Variants in CPD observed in about 807,000 individuals in gnomAD.
CPD encodes the protein carboxypeptidase D.
CPD carries 69 observed loss-of-function variants against 138.3 expected under a neutral mutation model. The ratio of observed to expected loss-of-function variants is 0.50; its 90% CI spans 0.41 to 0.61. The LOEUF (loss-of-function observed/expected upper bound fraction) is 0.61. Among genes scored for constraint, CPD ranks in the 20% least tolerant of loss-of-function variants. The pLI is 0.00. For synonymous variants in CPD, 651 were observed against 642.1 expected (o/e 1.01, Z -0.21); for missense variants, 1,432 against 1,733.3 (o/e 0.83, Z 3.09).
chr17:30,427,423 A>C lies in CPD; in HGVS notation c.1882A>C (p.Ser628Arg). The C allele has an allele frequency of 1.9e-6, 3 of 1,614,170 alleles. No individual in the cohort carries two copies. Among genetic ancestry groups the C allele is most frequent in the Non-Finnish European group, 2.5e-6 (3 of 1,180,010 alleles). Residue 628 changes from serine (S) to arginine (R), a missense_variant, in exon 7 of 21, where the codon AGC (serine) becomes CGC (arginine). Physicochemically the swap from Ser to Arg is moderately radical, Grantham distance 110. This residue lies in a region of CPD where 297 missense variants were observed against 405.3 expected (regional missense o/e 0.73). Transcript: ENST00000225719. ...DSISVIGRNN[S>R]NNFDLNRNFP... ...AATAAGTGTAATTGGCAGAAACAAC[A>C]GCAACAACTTTGACCTGAACCGAAA...
intron 2 of CPD, among the ~76,000 whole-genome samples, chr17:30,391,132 C>CTTTTTT (rs5819898): frequency 8.7e-6 from 1 of 114,858 alleles, no homozygotes; most frequent in Non-Finnish European, 1.8e-5. Context: ...GCCTGGCCGC[C>CTTTTTT]TTTTTTTTTT....
At chr17:30,455,309 T>A (rs1441095292) in intron 14 of CPD, 30 bp from the exon 15 acceptor site, 2 of 1,557,584 alleles carry the variant, frequency 1.3e-6, no homozygotes, top group East Asian at 2.3e-5. Flanking sequence ...TAAAATTTGA[T>A]ATTTTATATT....
intron 8 of CPD, among the ~76,000 whole-genome samples, chr17:30,437,713 CA>C (rs1344968029): frequency 6.6e-6 from 1 of 151,922 alleles, no homozygotes. Flanking sequence ...AAAACAAAAC[CA>C]AAGCAAAAGA....
chr17:30,407,716 G>A (rs1481308860), intron 2 of CPD, among the ~76,000 whole-genome samples: 1 of 151,818 alleles, frequency 6.6e-6, no homozygotes, highest in Admixed American at 6.6e-5. Context: ...CTGGATATTA[G>A]CCCTTTGTCA....
rs535181733 is a variant in CPD, at chr17:30,442,354, G to C, written c.2277G>C (p.Val759=). 1 of 1,613,396 alleles carries C rather than the reference G, an allele frequency of 6.2e-7. No individual in the cohort carries two copies. Among genetic ancestry groups the C allele is most frequent in the Admixed American group, 1.7e-5 (1 of 59,932 alleles). ...WNYLQTNCFE[V]TIELGCVKYP... ...ATTTACAAACAAATTGCTTTGAAGT[G>C]ACTATTGAACTAGGTTGTGTGAAAT... Residue 759 remains valine, a synonymous_variant, in exon 10 of 21, where the codon GTG becomes GTC. Coordinates refer to ENST00000225719, the MANE Select transcript of CPD (RefSeq NM_001304.5).
At chr17:30,415,941 TAGAAAC>T (rs772424823) in intron 2 of CPD, among the ~76,000 whole-genome samples, 2 of 152,176 alleles carry the variant, frequency 1.3e-5, no homozygotes, top group South Asian at 2.1e-4. Context: ...GTCAAACTCT[TAGAAAC>T]AGAAAGTAGA....
rs143022235 is a variant in CPD at position 30,388,936 on chromosome 17, TC to T, written c.994+3703del. Among the ~76,000 whole-genome samples, 711 of 152,180 alleles carry T rather than the reference TC, an allele frequency of 4.7e-3. 4 individuals are homozygous for T. The highest frequency in any genetic ancestry group is 0.017 in the African/African-American group (687 of 41,514). Reference sequence around the variant, plus strand: ...CCCAAGTGGCCCGCGCAGAGCCTCCTCCCGAGCCCAGGAACCCGGGACCCTT... The same window carrying T: ...CCCAAGTGGCCCGCGCAGAGCCTCCTCCGAGCCCAGGAACCCGGGACCCTT... On this transcript the variant is annotated intron_variant, in intron 2 of 20. Coordinates refer to ENST00000225719, the MANE Select transcript of CPD (RefSeq NM_001304.5).
At chr17:30,380,608 G>T in intron 1 of CPD, 1 of 1,514,554 alleles carries the variant, frequency 6.6e-7, no homozygotes, top group Non-Finnish European at 8.8e-7. Context: ...CAAGAAATTA[G>T]TATAAAACAA....
intron 8 of CPD, among the ~76,000 whole-genome samples, chr17:30,435,189 A>T (rs978936303): frequency 6.6e-6 from 1 of 152,164 alleles, no homozygotes; most frequent in African/African-American, 2.4e-5. Context: ...GAAAAAGACA[A>T]AATTATCTCT....
intron 2 of CPD, among the ~76,000 whole-genome samples, chr17:30,398,220 T>TAATAG (rs1174955145): frequency 2.9e-4 from 32 of 108,718 alleles, no homozygotes; most frequent in Middle Eastern, 4.6e-3. Context: ...TAGAACAGAA[T>TAATAG]AATAGAATAG....
intron 6 of CPD, among the ~76,000 whole-genome samples, chr17:30,426,384 T>C (rs1356840725): frequency 6.6e-6 from 1 of 152,208 alleles, no homozygotes; most frequent in Non-Finnish European, 1.5e-5. Flanking sequence ...TTAGGGTTTT[T>C]CAAAGATAGT....
rs567667573 is a variant in CPD, at chr17:30,415,417, A to T, written c.995-5424A>T. Among the ~76,000 whole-genome samples the T allele has an allele frequency of 3.9e-5, 6 of 152,304 alleles. No homozygotes were observed. The East Asian group carries it at 9.6e-4, about 24-fold the overall frequency. ...GTTCTGACTCACAAATCACTGTGAA[A>T]TATTGTCCAACGTGAAACAGAGTGA... On this transcript the variant is annotated intron_variant, in intron 2 of 20. Transcript: ENST00000225719.
At position 30,405,662 on chromosome 17, in the gene CPD, G is replaced by A. The variant is rs539439996; in HGVS notation, c.995-15179G>A. On this transcript the variant is annotated intron_variant, in intron 2 of 20. Coordinates refer to ENST00000225719, the MANE Select transcript of CPD (RefSeq NM_001304.5). Reference sequence around the variant, plus strand: ...TGGTCTCTTTATTTTTATACCTGAAGTGAACTGCTTTAGTAAGTGTAGTTT... The same window carrying A: ...TGGTCTCTTTATTTTTATACCTGAAATGAACTGCTTTAGTAAGTGTAGTTT... Among the ~76,000 whole-genome samples the A allele has an allele frequency of 2.5e-3, 377 of 152,120 alleles. 1 individual carries two copies. Among genetic ancestry groups the A allele is most frequent in the African/African-American group, 8.7e-3 (360 of 41,526 alleles).
In CPD at chr17:30,379,817, A is replaced by T; in HGVS notation, c.746+91A>T. On this transcript the variant is annotated intron_variant, in intron 1 of 20. Transcript: ENST00000225719. The surrounding 1 kb of genome is among the most constrained non-coding windows in gnomAD (Gnocchi z 7.0). The stretch of plus-strand genomic sequence containing the variant: ...CAGTAGGCGCTCAGACAATGCTGGC[A>T]TAAGGGGTGGCGGTGGTGAAGGTGA... 1.1e-6 allele frequency: 1 copy of T among 939,278 alleles called. No individual in the cohort carries two copies. Among genetic ancestry groups the T allele is most frequent in the Middle Eastern group, 2.3e-4 (1 of 4,340 alleles). The allele number at this position is 939,278 out of a possible 1,614,324, so 58.2% of individuals were successfully genotyped here. A position where few individuals can be genotyped will look rare whatever the true frequency, so the allele number is the denominator to read the frequency against.
intron 2 of CPD, among the ~76,000 whole-genome samples, chr17:30,401,019 C>T (rs748531981): frequency 1.3e-5 from 2 of 151,834 alleles, no homozygotes; most frequent in African/African-American, 2.4e-5. Flanking sequence ...ATATAAAACT[C>T]GGGGTTGTGG....
intron 2 of CPD, among the ~76,000 whole-genome samples, chr17:30,414,529 G>A (rs1053125384): frequency 4.6e-5 from 7 of 151,792 alleles, no homozygotes; most frequent in Non-Finnish European, 8.8e-5. Context: ...CTTGCAGTGA[G>A]CTGAGATCAC....
chr17:30,380,296 G>T (rs560709127), intron 1 of CPD: 1 of 201,250 alleles, frequency 5.0e-6, no homozygotes, highest in Non-Finnish European at 9.7e-6. Flanking sequence ...AGCCACGGAG[G>T]GACACTGGAG....
chr17:30,445,737 A>G lies in CPD; in HGVS notation c.2590A>G (p.Ile864Val), dbSNP rs61733802. Residue 864 changes from isoleucine (I) to valine (V), a missense_variant, in exon 12 of 21, where the codon ATT (isoleucine) becomes GTT (valine). By Grantham distance (29) the Ile-to-Val change is conservative. Coordinates refer to ENST00000225719, the MANE Select transcript of CPD (RefSeq NM_001304.5). Reference protein sequence around the residue: ...KNVTVKSEGAIQVNFTLVRSS... With the variant: ...KNVTVKSEGAVQVNFTLVRSS... ...TGTGACTGTCAAGAGTGAAGGCGCT[A>G]TTCAGGTCAACTTCACACTTGTTCG... 304 of 1,613,276 alleles carry G rather than the reference A, an allele frequency of 1.9e-4. No individual in the cohort carries two copies. Among genetic ancestry groups the G allele is most frequent in the Non-Finnish European group, 2.5e-4 (293 of 1,179,740 alleles).
chr17:30,417,123 A>G (rs1486913705), intron 2 of CPD, among the ~76,000 whole-genome samples: 2 of 151,872 alleles, frequency 1.3e-5, no homozygotes, highest in Non-Finnish European at 2.9e-5. Flanking sequence ...AAAATTCTGC[A>G]TAGCACTTCT....
Sources: allele counts gnomAD v4.1 joint callset (sites outside exome capture counted in the v4.1 genomes callset), GRCh38; gene constraint gnomAD v4.1.1; regional missense constraint gnomAD v4.1.1; non-coding constraint Gnocchi (gnomAD v3.1); transcripts MANE v1.5; gene names NCBI Gene and HGNC (gene_info 2026-07-23, HGNC 2026-07-21).